The following JAK1 variants were observed in gnomAD, a reference collection of about 807,000 sequenced individuals.
The protein encoded by JAK1 is Janus kinase 1.
JAK1 carries 16 observed loss-of-function variants against 136.6 expected under a neutral mutation model. The ratio of observed to expected loss-of-function variants is 0.12; its 90% CI spans 0.08 to 0.18. The LOEUF is 0.18. Ranked by LOEUF, JAK1 falls within the 10% of genes least tolerant of loss-of-function variation. The pLI is 1.00. For missense variants in JAK1, 859 were observed against 1,450.1 expected (o/e 0.59, Z 6.62); for synonymous variants, 492 against 519.5 (o/e 0.95, Z 0.72).
rs534604491 is a variant in JAK1, at chr1:65,018,936, A to G, written c.-78+25544T>C. 5.3e-5 allele frequency among the ~76,000 whole-genome samples: 8 copies of G among 152,292 alleles called. No homozygotes were observed. The South Asian group carries it at 1.0e-3, about 20-fold the overall frequency. The stretch of plus-strand genomic sequence containing the variant: ...TGAGGCAGGAGAACGGGGTGAACCC[A>G]GGAGGCGGAGCTTGCAGTGAGCCAA... On this transcript the variant is annotated intron_variant, in intron 2 of 25. Coordinates refer to the JAK1 transcript ENST00000671954.
At chr1:64,852,477 ACT>A (rs1253259420) in intron 11 of JAK1, among the ~76,000 whole-genome samples, 1 of 151,858 alleles carries the variant, frequency 6.6e-6, no homozygotes, top group East Asian at 1.9e-4. Flanking sequence ...TCCTGACTCC[ACT>A]CTGTTACCTG....
At position 64,879,501 on chromosome 1, in the gene JAK1, G is replaced by T. The variant is rs187502566; in HGVS notation, c.206-353C>A. ...TCTGAGAGGTTCACAGATCCTGCCT[G>T]ATGTGCACTTTGCTAATCGGAAACA... On this transcript the variant is annotated intron_variant, in intron 3 of 24. Transcript: ENST00000342505. Among the ~76,000 whole-genome samples, 228 of 152,286 alleles carry T rather than the reference G, an allele frequency of 1.5e-3. 2 individuals are homozygous for T. The highest frequency in any genetic ancestry group is 0.014 in the Admixed American group (210 of 15,298).
intron 1 of JAK1, among the ~76,000 whole-genome samples, chr1:64,928,014 A>C (rs1282891963): frequency 6.6e-6 from 1 of 152,246 alleles, no homozygotes; most frequent in Non-Finnish European, 1.5e-5. Flanking sequence ...TATATAGACT[A>C]GCAGCAGCCC....
intron 18 of JAK1, 44 bp downstream of exon 18, chr1:64,841,407 G>A (rs769525846): frequency 1.2e-6 from 2 of 1,613,518 alleles, no homozygotes; most frequent in Admixed American, 1.7e-5. Context: ...CCAGGCTCCT[G>A]TTTCTCCCCA....
At position 64,935,761 on chromosome 1, in the gene JAK1, C is replaced by A. The variant is rs187013192; in HGVS notation, c.-78+30572G>T. On this transcript the variant is annotated intron_variant, in intron 1 of 24. Transcript: ENST00000342505. ...ACCACAGAACTGCTTGCAACGCTGA[C>A]GGGTCATCTCTGATGCTAAGGGAGA... is the stretch of plus-strand genomic sequence containing the variant. 5.3e-5 allele frequency among the ~76,000 whole-genome samples: 8 copies of A among 152,278 alleles called. No individual in the cohort carries two copies. The East Asian group carries it at 5.8e-4, about 11-fold the overall frequency.
chr1:64,850,267 C>T (rs1216334884), intron 12 of JAK1, among the ~76,000 whole-genome samples: 1 of 152,196 alleles, frequency 6.6e-6, no homozygotes. Flanking sequence ...ATCCTGGGCT[C>T]CCCGCTCAGC....
At chr1:65,049,829 A>T (rs1647236952) in intron 1 of JAK1, among the ~76,000 whole-genome samples, 1 of 152,178 alleles carries the variant, frequency 6.6e-6, no homozygotes, top group African/African-American at 2.4e-5. Context: ...AGCCCTGGGC[A>T]TAGGGAGCTC....
At chr1:65,005,994 T>C (rs1646800950) in intron 2 of JAK1, among the ~76,000 whole-genome samples, 1 of 152,178 alleles carries the variant, frequency 6.6e-6, no homozygotes, top group South Asian at 2.1e-4. Flanking sequence ...TCACACCCAT[T>C]TTAGGACATC....
At chr1:64,909,211 GT>G (rs1645240693) in intron 1 of JAK1, among the ~76,000 whole-genome samples, 1 of 152,182 alleles carries the variant, frequency 6.6e-6, no homozygotes, top group Non-Finnish European at 1.5e-5. Context: ...TCTTTTCCTA[GT>G]TTTCGGGAAG....
chr1:64,868,338 C>T (rs969509684), intron 6 of JAK1, among the ~76,000 whole-genome samples: 7 of 152,122 alleles, frequency 4.6e-5, no homozygotes, highest in South Asian at 2.1e-4. Flanking sequence ...CACCTGGCCC[C>T]GGGTCATCCC....
intron 1 of JAK1, among the ~76,000 whole-genome samples, chr1:64,929,680 A>T (rs768911084): frequency 6.6e-6 from 1 of 152,232 alleles, no homozygotes; most frequent in Non-Finnish European, 1.5e-5. Flanking sequence ...AAGTAAATGG[A>T]TGATTCTTAT....
chr1:64,835,710 A>G (rs1325868957), intron 23 of JAK1, among the ~76,000 whole-genome samples: 1 of 152,078 alleles, frequency 6.6e-6, no homozygotes, highest in African/African-American at 2.4e-5. Flanking sequence ...GACTCTACCA[A>G]CCACTCCTTG....
rs374916843 is a variant in JAK1 at position 65,010,395 on chromosome 1, A to G, written c.-78+34085T>C. The stretch of plus-strand genomic sequence containing the variant: ...AGGGAAACCGGCTGCCACATCATGC[A>G]GAGAGGCCTATGTGTTGAGAAACTG... On this transcript the variant is annotated intron_variant, in intron 2 of 25. Transcript: ENST00000671954. Among the ~76,000 whole-genome samples the G allele has an allele frequency of 1.2e-4, 18 of 152,286 alleles. 1 individual carries two copies. The highest frequency in any genetic ancestry group is 3.3e-4 in the Admixed American group (5 of 15,304).
intron 1 of JAK1, among the ~76,000 whole-genome samples, chr1:64,913,180 C>T (rs944197426): frequency 7.2e-5 from 11 of 152,180 alleles, no homozygotes; most frequent in East Asian, 1.9e-4. Context: ...CACACCATCA[C>T]GCCTGGCTAA....
At chr1:64,861,154 T>G (rs1656311706) in intron 8 of JAK1, among the ~76,000 whole-genome samples, 2 of 152,110 alleles carry the variant, frequency 1.3e-5, no homozygotes, top group South Asian at 4.1e-4. Context: ...GGTGAATGGC[T>G]AAATCGGCAT....
chr1:64,974,285 C>T (rs1238102939), intron 2 of JAK1: 1 of 152,210 alleles, frequency 6.6e-6, no homozygotes, highest in African/African-American at 2.4e-5. Context: ...GTCAACTTCA[C>T]TCTCAGTCTA....
intron 1 of JAK1, among the ~76,000 whole-genome samples, chr1:65,066,998 C>G (rs1320440331): frequency 6.6e-6 from 1 of 152,136 alleles, no homozygotes; most frequent in African/African-American, 2.4e-5. Context: ...CCACTGACAC[C>G]CCAGCGAGGG....
In JAK1 at chr1:64,857,288, G is replaced by A. The variant is rs74409167; in HGVS notation, c.1458+368C>T. On this transcript the variant is annotated intron_variant, in intron 10 of 24. Coordinates refer to ENST00000342505, the MANE Select transcript of JAK1 (RefSeq NM_002227.4). The stretch of plus-strand genomic sequence containing the variant: ...ATGCTGTAGACAGGCATAGCTCTGG[G>A]TCTGAGATGATGGTGGCACTGAGTC... Among the ~76,000 whole-genome samples the A allele has an allele frequency of 7.4e-4, 112 of 152,342 alleles. No homozygotes were observed. In the East Asian group the frequency reaches 0.021, roughly 29 times the overall value.
intron 1 of JAK1, among the ~76,000 whole-genome samples, chr1:64,897,897 T>G (rs1645048164): frequency 6.6e-6 from 1 of 152,096 alleles, no homozygotes; most frequent in Non-Finnish European, 1.5e-5. Flanking sequence ...GTCCTTCTTT[T>G]TAAAGATTCT....
Sources: gnomAD v4.1 joint callset for allele counts (sites outside exome capture counted in the v4.1 genomes callset) on GRCh38, gnomAD v4.1.1 for gene constraint, MANE v1.5 for transcripts, NCBI Gene and HGNC (gene_info 2026-07-23, HGNC 2026-07-21) for gene names.